LY75: variants seen among roughly 807,000 people sequenced by gnomAD.
LY75 encodes C-type lectin domain family 13 member B.
In LY75, 185 loss-of-function variants were observed where a neutral mutation model predicts 231.7. The observed-to-expected ratio is 0.80, with a 90% confidence interval of 0.71 to 0.90. LY75 has a LOEUF of 0.90. LY75 is among the 40% of genes least tolerant of loss of function. The pLI is 0.00. For synonymous variants in LY75, 668 were observed against 689.0 expected, an observed-to-expected ratio of 0.97 and a Z score of 0.48; for missense variants, 1,947 against 2,050.2, an observed-to-expected ratio of 0.95 and a Z score of 0.97.
intron 2 of LY75, among the ~76,000 whole-genome samples, chr2:159,898,337 A>G (rs1442248426): frequency 7.3e-6 from 1 of 137,832 alleles, no homozygotes; most frequent in East Asian, 2.4e-4. Flanking sequence ...TTTGACTTTT[A>G]GCCTGTACAA....
intron 25 of LY75, 149 bp downstream of exon 25, chr2:159,840,580 A>C: frequency 7.7e-7 from 1 of 1,291,312 alleles, no homozygotes; most frequent in Non-Finnish European, 1.0e-6. Context: ...TCAAAACAAA[A>C]TTTAAAAACC....
chr2:159,826,966 G>C (rs1683490404), intron 28 of LY75, among the ~76,000 whole-genome samples: 1 of 152,108 alleles, frequency 6.6e-6, no homozygotes, highest in African/African-American at 2.4e-5. Flanking sequence ...ACTCAAGATG[G>C]ATCAAAGACT....
At chr2:159,806,151 T>C (rs1682787459) in intron 34 of LY75, among the ~76,000 whole-genome samples, 1 of 152,212 alleles carries the variant, frequency 6.6e-6, no homozygotes, top group African/African-American at 2.4e-5. Flanking sequence ...ATAGAGTTTA[T>C]AACTATTTGA....
In LY75 at chr2:159,882,179, G is replaced by A; in HGVS notation, c.1191C>T (p.Ile397=). ...AKCKAFSSDL[I]SIHSLADVEV... is the part of the protein sequence containing the mutation. ...CCACATCTGCTAGAGAATGAATGCT[G>A]ATTAGGTCACTACTGAAGGCTTTGC... The change falls in exon 7 of 35, where the codon ATC becomes ATT. Residue 397 remains isoleucine, a synonymous_variant. Coordinates refer to ENST00000263636, the MANE Select transcript of LY75 (RefSeq NM_002349.4). 6.2e-7 allele frequency: 1 copy of A among 1,613,990 alleles called. No homozygotes were observed. Among genetic ancestry groups the A allele is most frequent in the Non-Finnish European group, 8.5e-7 (1 of 1,179,920 alleles).
chr2:159,897,310 G>A (rs1469773915), intron 2 of LY75, among the ~76,000 whole-genome samples: 2 of 152,144 alleles, frequency 1.3e-5, no homozygotes, highest in East Asian at 3.9e-4. Flanking sequence ...ATTTTGTTTG[G>A]CTCTGTGTTT....
chr2:159,832,199 ACTGTTAGGAACCAGGC>A (rs1425723173), intron 27 of LY75, among the ~76,000 whole-genome samples: 75 of 152,252 alleles, frequency 4.9e-4, no homozygotes, highest in African/African-American at 1.8e-3. Flanking sequence ...ACACACTGGT[ACTGTTAGGAACCAGGC>A]CTGTTAGGAA....
rs557305594 is a variant in LY75 at position 159,894,649 on chromosome 2, A to G, written c.467-565T>C. Among the ~76,000 whole-genome samples, 3 of 152,306 alleles carry G rather than the reference A, an allele frequency of 2.0e-5. No individual in the cohort carries two copies. The South Asian group carries it at 6.2e-4, about 32-fold the overall frequency. On this transcript the variant is annotated intron_variant, in intron 2 of 34. Transcript: ENST00000263636. The stretch of plus-strand genomic sequence containing the variant: ...GAGACTGTGGTTTTTGAGGAAGTAA[A>G]AGGAAGAGCTGCTGAATTTCTGAGC...
chr2:159,819,894 T>C lies in LY75; in HGVS notation c.3985A>G (p.Thr1329Ala), dbSNP rs1169594604. Residue 1329 changes from threonine (T) to alanine (A), a missense_variant, in exon 29 of 35, where the codon ACC becomes GCC. Transcript: ENST00000263636. ...CTCCAATGTGTATATGACAGTGGGG[T>C]CTTATCAAACCACATAAGAGACTTA... ...RNKSLMWFDK[T>A]PLSYTHWRAG... is the part of the protein sequence containing the mutation. 6.2e-7 allele frequency: 1 copy of C among 1,607,818 alleles called. No individual in the cohort carries two copies. Among genetic ancestry groups the C allele is most frequent in the Non-Finnish European group, 8.5e-7 (1 of 1,178,462 alleles).
chr2:159,850,609 C>T, intron 21 of LY75, 142 bp from the exon 22 acceptor site: 1 of 992,682 alleles, frequency 1.0e-6, no homozygotes, highest in South Asian at 1.8e-5. Context: ...CATAAGAATT[C>T]AAGTTTATGC....
In LY75 at chr2:159,881,153, G is replaced by A. The variant is rs752496372; in HGVS notation, c.1334C>T (p.Thr445Ile). Residue 445 changes from threonine (T) to isoleucine (I), a missense_variant, in exon 8 of 35, where the codon ACA becomes ATA. Thr to Ile is a moderately conservative substitution (Grantham distance 89). Transcript: ENST00000263636. ...ATTTGGCTCATTCTCATCCCAATAT[G>A]TTAGAGTAACTTCAGTACCATCTGA... Reference protein sequence around the residue: ...QWSDGTEVTLTYWDENEPNVP... With the variant: ...QWSDGTEVTLIYWDENEPNVP... 1.9e-6 allele frequency: 3 copies of A among 1,613,944 alleles called. No homozygotes were observed. The highest frequency in any genetic ancestry group is 2.2e-5 in the South Asian group (2 of 91,080).
At chr2:159,845,152 T>C (rs1417078319) in intron 23 of LY75, among the ~76,000 whole-genome samples, 1 of 151,768 alleles carries the variant, frequency 6.6e-6, no homozygotes, top group Non-Finnish European at 1.5e-5. Flanking sequence ...AAAGGAAGAG[T>C]TGAATAAATA....
At chr2:159,817,768 C>G (rs577934022) in intron 29 of LY75, among the ~76,000 whole-genome samples, 1 of 152,248 alleles carries the variant, frequency 6.6e-6, no homozygotes, top group South Asian at 2.1e-4. Flanking sequence ...AAAATTGGGG[C>G]CAGGTGCAGT....
chr2:159,827,648 T>C (rs1198880605), intron 28 of LY75, among the ~76,000 whole-genome samples: 1 of 152,122 alleles, frequency 6.6e-6, no homozygotes, highest in Non-Finnish European at 1.5e-5. Context: ...ACTATAAAGA[T>C]GTATGCACAC....
intron 12 of LY75, among the ~76,000 whole-genome samples, chr2:159,873,291 C>G (rs556601477): frequency 3.3e-5 from 5 of 152,264 alleles, no homozygotes; most frequent in African/African-American, 9.6e-5. Flanking sequence ...CCACAGCCCC[C>G]TGGTGGGCGG....
intron 1 of LY75, among the ~76,000 whole-genome samples, chr2:159,904,274 C>A (rs1214940752): frequency 6.6e-6 from 1 of 152,210 alleles, no homozygotes; most frequent in African/African-American, 2.4e-5. Flanking sequence ...ATAAGAGAGG[C>A]GACGATGGAG....
chr2:159,896,438 G>A (rs1430324294), intron 2 of LY75, among the ~76,000 whole-genome samples: 1 of 152,200 alleles, frequency 6.6e-6, no homozygotes. Flanking sequence ...AGCCAAGGGG[G>A]AAAGAAAGAA....
At chr2:159,836,161 G>C (rs753624157) in intron 25 of LY75, among the ~76,000 whole-genome samples, 1 of 152,100 alleles carries the variant, frequency 6.6e-6, no homozygotes, top group Non-Finnish European at 1.5e-5. Context: ...TCACTTACTA[G>C]CTTTCATGTG....
In LY75 at chr2:159,850,140, T is replaced by C. The variant is rs1289923154; in HGVS notation, c.2990A>G (p.Asp997Gly). 1.3e-6 allele frequency: 2 copies of C among 1,599,348 alleles called. No homozygotes were observed. The highest frequency in any genetic ancestry group is 1.8e-5 in the Admixed American group (1 of 55,290). ...ATCCGGAAGCAAGGATGTAATAAAG[T>C]CTGTTAGAAAGAGATTTTTAAAAAG... Reference protein sequence around the residue: ...LPSVLSQIEQDFITSLLPDME... With the variant: ...LPSVLSQIEQGFITSLLPDME... Residue 997 changes from aspartate to glycine, a missense_variant and splice_region_variant, in exon 23 of 35, where the codon GAC becomes GGC. Asp to Gly is a moderately conservative substitution (Grantham distance 94, BLOSUM62 -1). Coordinates refer to ENST00000263636, the MANE Select transcript of LY75 (RefSeq NM_002349.4).
In LY75 at chr2:159,804,696, G is replaced by A. The variant is rs1395154766; in HGVS notation, c.*348C>T. 2 of 156,584 alleles carry A rather than the reference G, an allele frequency of 1.3e-5. No individual in the cohort carries two copies. Among genetic ancestry groups the A allele is most frequent in the Admixed American group, 6.4e-5 (1 of 15,702 alleles). The allele number at this position is 156,584 out of a possible 1,614,324, so 9.7% of individuals were successfully genotyped here. A position where few individuals can be genotyped will look rare whatever the true frequency, so the allele number is the denominator to read the frequency against. ...AAGTAGACATGTCACCTAGTAATAT[G>A]CCTATTTTAATTTTCTAAGAAGTTT... is the stretch of plus-strand genomic sequence containing the variant. On this transcript the variant is annotated 3_prime_UTR_variant, in exon 35 of 35. Coordinates refer to ENST00000263636, the MANE Select transcript of LY75 (RefSeq NM_002349.4).
Sources: gnomAD v4.1 joint callset for allele counts (sites outside exome capture counted in the v4.1 genomes callset) on GRCh38, gnomAD v4.1.1 for gene constraint, MANE v1.5 for transcripts, NCBI Gene and HGNC (gene_info 2026-07-23, HGNC 2026-07-21) for gene names.